Variants in RCL1 observed in about 807,000 individuals in gnomAD.
RCL1 encodes the protein RNA 3'-terminal phosphate cyclase-like protein.
Under a neutral mutation model 42.4 loss-of-function variants are expected in RCL1, and 24 were observed. The ratio of observed to expected loss-of-function variants is 0.57; its 90% CI spans 0.41 to 0.80. RCL1 has a LOEUF of 0.80. Ranked by LOEUF, RCL1 falls within the 30% of genes least tolerant of loss-of-function variation. RCL1 has a pLI of 0.00. For synonymous variants in RCL1, 228 were observed against 177.3 expected, an observed-to-expected ratio of 1.29 and a Z score of -2.27; for missense variants, 578 against 467.9, an observed-to-expected ratio of 1.24 and a Z score of -2.17.
At chr9:4,836,243 G>T (rs1034317734) in intron 5 of RCL1, among the ~76,000 whole-genome samples, 1 of 152,132 alleles carries the variant, frequency 6.6e-6, no homozygotes. Context: ...AGAGAACGTG[G>T]GAGGACCAAT....
intron 1 of RCL1, among the ~76,000 whole-genome samples, chr9:4,819,238 G>A (rs1033691017): frequency 2.0e-5 from 3 of 152,170 alleles, no homozygotes; most frequent in South Asian, 2.1e-4. Context: ...AGTCTCACAC[G>A]GAGCCAGCAG....
Position 4,802,883 on chromosome 9 carries a change from C to T in RCL1, c.136+9656C>T, listed in dbSNP as rs190387282. Among the ~76,000 whole-genome samples, 12 of 152,250 alleles carry T rather than the reference C, an allele frequency of 7.9e-5. No homozygotes were observed. The South Asian group carries it at 8.3e-4, about 11-fold the overall frequency. On this transcript the variant is annotated intron_variant, in intron 1 of 8. Coordinates refer to ENST00000381750, the MANE Select transcript of RCL1 (RefSeq NM_005772.5). ...TCGCACAGGCTGGGGTGCAGAGGTG[C>T]GACCTTAGCCTACTGCAACCTTGAA...
chr9:4,800,285 G>A (rs532306874), intron 1 of RCL1, among the ~76,000 whole-genome samples: 1 of 152,048 alleles, frequency 6.6e-6, no homozygotes, highest in Non-Finnish European at 1.5e-5. Context: ...CACGATCTTG[G>A]CTCACTGCAC....
At position 4,860,339 on chromosome 9, in the gene RCL1, G is replaced by A; in HGVS notation, c.*64G>A. The A allele has an allele frequency of 3.9e-6, 6 of 1,550,930 alleles. No individual in the cohort carries two copies. The highest frequency in any genetic ancestry group is 5.2e-6 in the Non-Finnish European group (6 of 1,143,378). ...AGCAGAAGCTGCCACGGACACCAATGGGACCAAGTCCAAATGGATTAATCC... is the reference window on the plus strand; with the variant it reads ...AGCAGAAGCTGCCACGGACACCAATAGGACCAAGTCCAAATGGATTAATCC... On this transcript the variant is annotated 3_prime_UTR_variant, in exon 9 of 9. Transcript: ENST00000381750.
chr9:4,827,731 A>AGTGTGTGTGTGTGTGT (rs71326142), intron 3 of RCL1, among the ~76,000 whole-genome samples: 4 of 147,494 alleles, frequency 2.7e-5, no homozygotes, highest in African/African-American at 1.0e-4. Context: ...TCTAGGATGA[A>AGTGTGTGTGTGTGTGT]GTGTGTGTGT....
Position 4,841,254 on chromosome 9 carries a change from C to G in RCL1, c.607C>G (p.Gln203Glu). Reference sequence around the variant, plus strand: ...CAGGTACTCTGTACGTGTGTCACCTCAGATGGCGAACCGGATTGTGGATTC... The same window carrying G: ...CAGGTACTCTGTACGTGTGTCACCTGAGATGGCGAACCGGATTGTGGATTC... ...GMAYSVRVSP[Q>E]MANRIVDSAR... Residue 203 changes from glutamine to glutamate, a missense_variant, in exon 6 of 9, where the codon CAG (glutamine) becomes GAG (glutamate). Physicochemically the swap from Gln to Glu is conservative, Grantham distance 29 (BLOSUM62 2). Transcript: ENST00000381750. The G allele has an allele frequency of 6.2e-7, 1 of 1,613,892 alleles. No homozygotes were observed. The highest frequency in any genetic ancestry group is 8.5e-7 in the Non-Finnish European group (1 of 1,179,792).
chr9:4,818,919 T>C (rs1816490182), intron 1 of RCL1, among the ~76,000 whole-genome samples: 1 of 151,208 alleles, frequency 6.6e-6, no homozygotes, highest in South Asian at 2.1e-4. Flanking sequence ...ATTATATATA[T>C]AACTTTTAAA....
intron 3 of RCL1, among the ~76,000 whole-genome samples, chr9:4,830,678 AT>A (rs1816914120): frequency 6.6e-6 from 1 of 152,174 alleles, no homozygotes; most frequent in Non-Finnish European, 1.5e-5. Context: ...ACTGGGCATT[AT>A]TCTAGGTGTA....
intron 1 of RCL1, among the ~76,000 whole-genome samples, chr9:4,796,208 A>G (rs1027161207): frequency 1.3e-5 from 2 of 152,136 alleles, no homozygotes; most frequent in African/African-American, 4.8e-5. Flanking sequence ...CATCGTACCC[A>G]ATAGGTAATT....
At position 4,859,803 on chromosome 9, in the gene RCL1, A is replaced by C. The variant is rs1008727885; in HGVS notation, c.972-322A>C. Reference sequence around the variant, plus strand: ...ACATAGTGAGACCCCATCTCTTATAAAAAAAAGAGTCATCACCATATTTCT... The same window carrying C: ...ACATAGTGAGACCCCATCTCTTATACAAAAAAGAGTCATCACCATATTTCT... On this transcript the variant is annotated intron_variant, in intron 8 of 8. Coordinates refer to ENST00000381750, the MANE Select transcript of RCL1 (RefSeq NM_005772.5). 2.8e-4 allele frequency among the ~76,000 whole-genome samples: 43 copies of C among 152,126 alleles called. 1 individual carries two copies.
chr9:4,824,483 T>G (rs1167393740), intron 2 of RCL1, among the ~76,000 whole-genome samples: 1 of 151,448 alleles, frequency 6.6e-6, no homozygotes, highest in African/African-American at 2.4e-5. Context: ...AGTATTCCAG[T>G]GTATTGATGC....
chr9:4,823,061 C>T (rs981052908), intron 1 of RCL1, among the ~76,000 whole-genome samples: 54 of 152,216 alleles, frequency 3.5e-4, no homozygotes, highest in Admixed American at 1.7e-3. Flanking sequence ...TGCTGAAAGG[C>T]AGAGATAGTG....
intron 1 of RCL1, among the ~76,000 whole-genome samples, chr9:4,798,087 C>G (rs79423976): frequency 6.6e-6 from 1 of 152,086 alleles, no homozygotes; most frequent in Non-Finnish European, 1.5e-5. Context: ...TGAAGACAAA[C>G]GTGTAGTGAG....
chr9:4,811,991 T>C (rs1816193889), intron 1 of RCL1, among the ~76,000 whole-genome samples: 1 of 152,222 alleles, frequency 6.6e-6, no homozygotes, highest in South Asian at 2.1e-4. Flanking sequence ...GCCATTTGTA[T>C]GTCTTTTGAG....
intron 1 of RCL1, among the ~76,000 whole-genome samples, chr9:4,805,527 G>C (rs1336448473): frequency 6.6e-6 from 1 of 152,168 alleles, no homozygotes; most frequent in Non-Finnish European, 1.5e-5. Context: ...ATATACAAAA[G>C]TTTTTAGAAA....
At chr9:4,859,271 C>T (rs1218030792) in intron 8 of RCL1, among the ~76,000 whole-genome samples, 1 of 152,170 alleles carries the variant, frequency 6.6e-6, no homozygotes, top group Admixed American at 6.5e-5. Flanking sequence ...TCCCCGGCCA[C>T]CTTATTTAAT....
intron 1 of RCL1, among the ~76,000 whole-genome samples, chr9:4,812,811 T>A (rs1008847580): frequency 6.6e-6 from 1 of 152,158 alleles, no homozygotes; most frequent in African/African-American, 2.4e-5. Context: ...TATTTCTAGG[T>A]ATTTTATGGT....
At position 4,833,219 on chromosome 9, in the gene RCL1, T is replaced by G; in HGVS notation, c.450T>G (p.Phe150Leu). 6.2e-7 allele frequency: 1 copy of G among 1,610,944 alleles called. No individual in the cohort carries two copies. Among genetic ancestry groups the G allele is most frequent in the Non-Finnish European group, 8.5e-7 (1 of 1,177,072 alleles). The change falls in exon 4 of 9, where the codon TTT becomes TTG. Residue 150 changes from phenylalanine to leucine, a missense_variant. Coordinates refer to ENST00000381750, the MANE Select transcript of RCL1 (RefSeq NM_005772.5). ...AATTTGGGATTGATGGTGAATCATT[T>G]GAACTGAAGGTAAGAATGTTTGAAC... ...LKQFGIDGES[F>L]ELKIVRRGMP...
At chr9:4,844,715 C>A (rs1319716802) in intron 7 of RCL1, 34 bp downstream of exon 7, 1 of 1,584,360 alleles carries the variant, frequency 6.3e-7, no homozygotes. Flanking sequence ...AGAGGAGTGA[C>A]CAGGAAGCAG....
Sources: gnomAD v4.1 joint callset for allele counts (sites outside exome capture counted in the v4.1 genomes callset) on GRCh38, gnomAD v4.1.1 for gene constraint, MANE v1.5 for transcripts, NCBI Gene and HGNC (gene_info 2026-07-23, HGNC 2026-07-21) for gene names.